The following JAK1 variants were observed in gnomAD, a reference collection of about 807,000 sequenced individuals.
JAK1 encodes Janus kinase 1, also known as tyrosine-protein kinase JAK1.
A neutral mutation model predicts 136.6 loss-of-function variants in JAK1; 16 were observed. The observed-to-expected ratio is 0.12, with a 90% CI of 0.08 to 0.18. The LOEUF is 0.18. Ranked by LOEUF, JAK1 falls within the 10% of genes least tolerant of loss-of-function variation. JAK1 has a pLI of 1.00. For missense variants in JAK1, 859 were observed against 1,450.1 expected (o/e 0.59, Z 6.62); for synonymous variants, 492 against 519.5 (o/e 0.95, Z 0.72).
rs571340429 is a variant in JAK1 at position 65,065,359 on chromosome 1, G to A, written c.-181+2245C>T. 1.4e-4 allele frequency among the ~76,000 whole-genome samples: 21 copies of A among 152,156 alleles called. No individual in the cohort carries two copies. In the South Asian group the frequency reaches 3.9e-3, roughly 29 times the overall value. Reference sequence around the variant, plus strand: ...CAAGAAAACAAGTTCAAATAAGCCTGCAAACAGATTTACATATTTTACATG... The same window carrying A: ...CAAGAAAACAAGTTCAAATAAGCCTACAAACAGATTTACATATTTTACATG... On this transcript the variant is annotated intron_variant, in intron 1 of 25. Coordinates refer to the JAK1 transcript ENST00000671954.
intron 11 of JAK1, among the ~76,000 whole-genome samples, chr1:64,851,677 T>C (rs560078464): frequency 2.2e-4 from 33 of 152,302 alleles, no homozygotes; most frequent in African/African-American, 7.2e-4. Flanking sequence ...AGAAATCACC[T>C]TTCCCGCTAT....
At chr1:64,997,450 AAAG>A (rs1224589231) in intron 2 of JAK1, among the ~76,000 whole-genome samples, 1 of 152,348 alleles carries the variant, frequency 6.6e-6, no homozygotes, top group African/African-American at 2.4e-5. Flanking sequence ...CCCTTGCTTT[AAAG>A]AAGTTTACAT....
At chr1:64,990,964 A>C (rs1409741482) in intron 2 of JAK1, 6 of 151,224 alleles carry the variant, frequency 4.0e-5, no homozygotes, top group Non-Finnish European at 7.4e-5. Context: ...AAAAAAGAAA[A>C]GAAGCTGACA....
intron 7 of JAK1, 114 bp from the exon 8 acceptor site, chr1:64,865,086 C>T (rs1399783086): frequency 7.9e-5 from 62 of 784,414 alleles, no homozygotes; most frequent in Non-Finnish European, 1.2e-4. Context: ...AAGAGAAAGC[C>T]AGCTCTTCTG....
At chr1:64,888,771 G>A (rs2101334055) in intron 1 of JAK1, among the ~76,000 whole-genome samples, 1 of 152,292 alleles carries the variant, frequency 6.6e-6, no homozygotes, top group South Asian at 2.1e-4. Flanking sequence ...GTGATGCTTA[G>A]CCTAGAGATT....
In JAK1 at chr1:65,052,809, C is replaced by A. The variant is rs1386347270; in HGVS notation, c.-180-8227G>T. Among the ~76,000 whole-genome samples the A allele has an allele frequency of 3.1e-5, 4 of 128,404 alleles. No individual in the cohort carries two copies. The East Asian group carries it at 6.7e-4, about 21-fold the overall frequency. The allele number at this position is 128,404 out of a possible 152,430, so 84.2% of individuals were successfully genotyped here. On this transcript the variant is annotated intron_variant, in intron 1 of 25. Coordinates refer to the JAK1 transcript ENST00000671954. ...AGCCTGGGCGACACTCCAGCCTGGGCAACACTCCAGTCTGGGCACTCCAGC... is the reference window on the plus strand; with the variant it reads ...AGCCTGGGCGACACTCCAGCCTGGGAAACACTCCAGTCTGGGCACTCCAGC...
rs1431885672 is a variant in JAK1 at position 64,838,106 on chromosome 1, TGAGA to T, written c.2968-6_2968-3del. 5.0e-6 allele frequency: 8 copies of T among 1,609,932 alleles called. No individual in the cohort carries two copies. The Admixed American group carries it at 1.3e-4, about 27-fold the overall frequency. ...CCGAGAACCCAAATAGTCCATCCCC[TGAGA>T]GAGAGAAGTAAAAGTCAAGCACATT... is the stretch of plus-strand genomic sequence containing the variant. On this transcript the variant is annotated splice_region_variant and splice_polypyrimidine_tract_variant and intron_variant, in intron 21 of 24. Transcript: ENST00000342505.
At chr1:65,031,487 A>T (rs1647023381) in intron 2 of JAK1, among the ~76,000 whole-genome samples, 1 of 152,232 alleles carries the variant, frequency 6.6e-6, no homozygotes, top group African/African-American at 2.4e-5. Context: ...ATTAAAGAAG[A>T]TTACAGAGAT....
At chr1:65,009,100 G>A (rs1051465476) in intron 2 of JAK1, among the ~76,000 whole-genome samples, 5 of 151,998 alleles carry the variant, frequency 3.3e-5, no homozygotes, top group African/African-American at 1.2e-4. Context: ...AGAAACAACC[G>A]GAATGTCCAC....
chr1:64,896,853 C>T (rs1645021656), intron 1 of JAK1, among the ~76,000 whole-genome samples: 3 of 152,164 alleles, frequency 2.0e-5, no homozygotes, highest in African/African-American at 7.2e-5. Context: ...AATGTTCAGG[C>T]TCAGGAAAAC....
At position 64,841,504 on chromosome 1, in the gene JAK1, T is replaced by C. The variant is rs1426296083; in HGVS notation, c.2501A>G (p.Gln834Arg). ...CATGATGGCTCGGAAGAAAGGCCTC[T>C]GATTGGGGTCATAGTTCATGCAGCG... Reference protein sequence around the residue: ...MTRCMNYDPNQRPFFRAIMRD... With the variant: ...MTRCMNYDPNRRPFFRAIMRD... The change falls in exon 18 of 25, where the codon CAG (glutamine) becomes CGG (arginine). Residue 834 changes from glutamine to arginine, a missense_variant. Coordinates refer to ENST00000342505, the MANE Select transcript of JAK1 (RefSeq NM_002227.4). 6.8e-6 allele frequency: 11 copies of C among 1,614,192 alleles called. No homozygotes were observed. The East Asian group carries it at 2.2e-4, about 33-fold the overall frequency.
chr1:64,989,954 T>TTTTG (rs146472719), intron 2 of JAK1: 2 of 152,050 alleles, frequency 1.3e-5, no homozygotes, highest in East Asian at 3.8e-4. Context: ...AGAAAAGTAT[T>TTTTG]TTTGTTTGTT....
At chr1:65,010,802 C>G (rs541038508) in intron 2 of JAK1, among the ~76,000 whole-genome samples, 19 of 152,018 alleles carry the variant, frequency 1.2e-4, no homozygotes, top group African/African-American at 4.6e-4. Flanking sequence ...GACCCTGTCT[C>G]TTAAAAAAAA....
intron 2 of JAK1, among the ~76,000 whole-genome samples, chr1:65,027,292 A>G (rs193157185): frequency 1.3e-4 from 20 of 151,786 alleles, no homozygotes; most frequent in African/African-American, 4.1e-4. Context: ...ACCTCAAGTG[A>G]TCCGCCCATC....
intron 2 of JAK1, among the ~76,000 whole-genome samples, chr1:65,038,715 T>A (rs906006303): frequency 6.6e-6 from 1 of 152,144 alleles, no homozygotes; most frequent in African/African-American, 2.4e-5. Flanking sequence ...CTTGGCTCAC[T>A]GCAACCTCCG....
chr1:65,051,301 TA>T (rs1183891430), intron 1 of JAK1, among the ~76,000 whole-genome samples: 1 of 151,960 alleles, frequency 6.6e-6, no homozygotes, highest in Non-Finnish European at 1.5e-5. Context: ...TCCCTCTCCA[TA>T]AAAAAGGGTG....
At chr1:64,909,759 G>A (rs1238040737) in intron 1 of JAK1, among the ~76,000 whole-genome samples, 1 of 152,104 alleles carries the variant, frequency 6.6e-6, no homozygotes, top group Non-Finnish European at 1.5e-5. Context: ...GGGAGGTCGA[G>A]GCTGCAATGA....
chr1:64,854,643 C>T (rs777454753), intron 11 of JAK1, among the ~76,000 whole-genome samples: 1 of 151,612 alleles, frequency 6.6e-6, no homozygotes, highest in Non-Finnish European at 1.5e-5. Flanking sequence ...TCAGTGACGC[C>T]ATTCAAGAGG....
At chr1:64,909,559 G>A (rs1450284138) in intron 1 of JAK1, among the ~76,000 whole-genome samples, 3 of 151,650 alleles carry the variant, frequency 2.0e-5, no homozygotes, top group South Asian at 4.2e-4. Context: ...AGTGGCTCCC[G>A]CTTGTAATCC....
Sources: allele counts gnomAD v4.1 joint callset (sites outside exome capture counted in the v4.1 genomes callset), GRCh38; gene constraint gnomAD v4.1.1; transcripts MANE v1.5; gene names NCBI Gene and HGNC (gene_info 2026-07-23, HGNC 2026-07-21).